Variants in MRTFA observed in about 807,000 individuals in gnomAD.
The protein encoded by MRTFA is myocardin related transcription factor A.
MRTFA carries 20 observed loss-of-function variants against 83.5 expected under a neutral mutation model. The ratio of observed to expected loss-of-function variants is 0.24; its 90% CI spans 0.17 to 0.35. The LOEUF is 0.35. Among genes scored for constraint, MRTFA ranks in the 10% least tolerant of loss-of-function variants. The pLI is 1.00. For synonymous variants in MRTFA, 659 were observed against 541.2 expected, an observed-to-expected ratio of 1.22 and a Z score of -3.02; for missense variants, 1,200 against 1,224.7, an observed-to-expected ratio of 0.98 and a Z score of 0.30.
At chr22:40,485,087 T>A (rs373649105) in intron 3 of MRTFA, among the ~76,000 whole-genome samples, 10 of 147,068 alleles carry the variant, frequency 6.8e-5, no homozygotes, top group African/African-American at 2.4e-4. Flanking sequence ...AAAAAAAAAA[T>A]CTAAAAGAAT....
chr22:40,541,701 C>G (rs972743174), intron 3 of MRTFA, among the ~76,000 whole-genome samples: 1 of 152,154 alleles, frequency 6.6e-6, no homozygotes, highest in Non-Finnish European at 1.5e-5. Flanking sequence ...CAGTCTTGCT[C>G]TGTTGCCCAG....
Position 40,420,543 on chromosome 22 carries a change from G to T in MRTFA, c.1215C>A (p.Thr405=). 1 of 1,613,606 alleles carries T rather than the reference G, an allele frequency of 6.2e-7. No homozygotes were observed. Among genetic ancestry groups the T allele is most frequent in the Non-Finnish European group, 8.5e-7 (1 of 1,180,004 alleles). Residue 405 remains threonine, a synonymous_variant, in exon 11 of 15, where the codon ACC becomes ACA. Coordinates refer to ENST00000355630, the MANE Select transcript of MRTFA (RefSeq NM_020831.6). ...TAGTGGAGAGGCTGCGTACTGGGGGGGTCCCGCTGCTTCCCAGGGCCTCGC... is the reference window on the plus strand; with the variant it reads ...TAGTGGAGAGGCTGCGTACTGGGGGTGTCCCGCTGCTTCCCAGGGCCTCGC...
At chr22:40,565,810 T>C (rs893049697) in intron 2 of MRTFA, among the ~76,000 whole-genome samples, 15 of 152,322 alleles carry the variant, frequency 9.8e-5, no homozygotes, top group Non-Finnish European at 1.0e-4. Context: ...AGAGGTCTCA[T>C]TGAGGAAGTG....
chr22:40,619,638 C>T (rs2056495371), intron 1 of MRTFA, among the ~76,000 whole-genome samples: 1 of 151,934 alleles, frequency 6.6e-6, no homozygotes, highest in African/African-American at 2.4e-5. Flanking sequence ...ACCTGTAACC[C>T]CAGCACTTTG....
At chr22:40,591,493 G>C (rs567662150) in intron 2 of MRTFA, among the ~76,000 whole-genome samples, 1 of 152,294 alleles carries the variant, frequency 6.6e-6, no homozygotes, top group East Asian at 1.9e-4. Flanking sequence ...AACTTCATGA[G>C]TGGAAGATTA....
At chr22:40,497,779 A>G (rs1357339117) in intron 3 of MRTFA, among the ~76,000 whole-genome samples, 2 of 151,994 alleles carry the variant, frequency 1.3e-5, no homozygotes, top group African/African-American at 4.8e-5. Flanking sequence ...GGGGTAGTAA[A>G]TCTTTTCTTC....
At chr22:40,413,543 G>A (rs550411255) in intron 14 of MRTFA, among the ~76,000 whole-genome samples, 76 of 152,088 alleles carry the variant, frequency 5.0e-4, no homozygotes, top group Non-Finnish European at 1.0e-3. Context: ...TCCTGACCTC[G>A]TGATCCGCCT....
intron 4 of MRTFA, among the ~76,000 whole-genome samples, chr22:40,459,208 A>T (rs1457351843): frequency 7.7e-6 from 1 of 129,132 alleles, no homozygotes; most frequent in African/African-American, 2.9e-5. Flanking sequence ...GGTAGTGGTG[A>T]GGGAGGGTTA....
intron 3 of MRTFA, among the ~76,000 whole-genome samples, chr22:40,535,907 T>TG (rs1393448934): frequency 6.6e-6 from 1 of 152,080 alleles, no homozygotes; most frequent in Admixed American, 6.6e-5. Context: ...CAAATAAACA[T>TG]AACATCTCAG....
intron 2 of MRTFA, among the ~76,000 whole-genome samples, chr22:40,588,994 A>G (rs539949973): frequency 6.6e-6 from 1 of 152,288 alleles, no homozygotes; most frequent in South Asian, 2.1e-4. Flanking sequence ...GGGGAAAAAA[A>G]AAGATCATAT....
chr22:40,411,264 G>A lies in MRTFA; in HGVS notation c.*126C>T. 1.9e-6 allele frequency: 2 copies of A among 1,078,200 alleles called. No individual in the cohort carries two copies. The highest frequency in any genetic ancestry group is 2.6e-6 in the Non-Finnish European group (2 of 765,818). The allele number at this position is 1,078,200 out of a possible 1,614,324, so 66.8% of individuals were successfully genotyped here. On this transcript the variant is annotated 3_prime_UTR_variant, in exon 15 of 15. Transcript: ENST00000355630. ...TCTCTGTTCTAGCCTCCCAGGGAAG[G>A]GAAAAAGCAGGGGCTGTGATTGTCA... is the stretch of plus-strand genomic sequence containing the variant.
chr22:40,616,398 T>G (rs1300728660), intron 1 of MRTFA, among the ~76,000 whole-genome samples: 1 of 152,096 alleles, frequency 6.6e-6, no homozygotes, highest in African/African-American at 2.4e-5. Context: ...CTGGCTTCAG[T>G]GTGGAGAATT....
At chr22:40,511,426 T>C (rs2054665780) in intron 3 of MRTFA, among the ~76,000 whole-genome samples, 1 of 152,168 alleles carries the variant, frequency 6.6e-6, no homozygotes, top group East Asian at 1.9e-4. Context: ...TGGGAAGAAT[T>C]AGTGGATTAA....
At chr22:40,605,023 A>G (rs1199248408) in intron 1 of MRTFA, among the ~76,000 whole-genome samples, 1 of 152,170 alleles carries the variant, frequency 6.6e-6, no homozygotes, top group African/African-American at 2.4e-5. Flanking sequence ...TTAAACCCCA[A>G]AACACGAATC....
chr22:40,534,707 T>C (rs1008961836), intron 3 of MRTFA, among the ~76,000 whole-genome samples: 2 of 152,200 alleles, frequency 1.3e-5, no homozygotes, highest in African/African-American at 4.8e-5. Flanking sequence ...ATAACAATGA[T>C]ATTAAGATTA....
intron 1 of MRTFA, among the ~76,000 whole-genome samples, chr22:40,598,575 C>T (rs1278930115): frequency 6.6e-6 from 1 of 152,114 alleles, no homozygotes; most frequent in Non-Finnish European, 1.5e-5. Flanking sequence ...CTACTACATA[C>T]TACTAAACAC....
chr22:40,482,654 C>T (rs1438580269), intron 3 of MRTFA, among the ~76,000 whole-genome samples: 1 of 152,130 alleles, frequency 6.6e-6, no homozygotes, highest in African/African-American at 2.4e-5. Flanking sequence ...CAGCATTTTC[C>T]TTATTGCATT....
rs745748276 is a variant in MRTFA, at chr22:40,420,498, C to G, written c.1260G>C (p.Ser420=). 4.0e-5 allele frequency: 65 copies of G among 1,613,628 alleles called. No homozygotes were observed. The Admixed American group carries it at 1.1e-3, about 27-fold the overall frequency. The change falls in exon 11 of 15, where the codon TCG becomes TCC. Residue 420 remains serine, a synonymous_variant. Transcript: ENST00000355630. ...CCAGCCCACAGGGCCCAGGGGCGCC[C>G]GAGCTGGAGCTGCTATTGGTAGTGG...
intron 1 of MRTFA, among the ~76,000 whole-genome samples, chr22:40,610,954 T>G (rs1247430005): frequency 6.7e-6 from 1 of 148,920 alleles, no homozygotes; most frequent in East Asian, 1.9e-4. Context: ...TTTTTTTTTT[T>G]TGAGATAGAG....
Sources: allele counts gnomAD v4.1 joint callset (sites outside exome capture counted in the v4.1 genomes callset), GRCh38; gene constraint gnomAD v4.1.1; transcripts MANE v1.5; gene names NCBI Gene and HGNC (gene_info 2026-07-23, HGNC 2026-07-21).